Variants in ZPLD1 observed in about 807,000 individuals in gnomAD.
The protein encoded by ZPLD1 is zona pellucida like domain containing 1.
In ZPLD1, 34 loss-of-function variants were observed where a neutral mutation model predicts 47.2. The observed-to-expected ratio is 0.72, with a 90% CI of 0.55 to 0.96. The LOEUF (loss-of-function observed/expected upper bound fraction) is 0.96. Among genes scored for constraint, ZPLD1 ranks in the 40% least tolerant of loss-of-function variants. ZPLD1 has a pLI of 0.00. For synonymous variants in ZPLD1, 176 were observed against 186.2 expected, an observed-to-expected ratio of 0.95 and a Z score of 0.45; for missense variants, 512 against 505.8, an observed-to-expected ratio of 1.01 and a Z score of -0.12.
chr3:102,474,602 A>ATTT (rs1707731449), intron 10 of ZPLD1, among the ~76,000 whole-genome samples: 1 of 151,364 alleles, frequency 6.6e-6, no homozygotes, highest in African/African-American at 2.4e-5. Flanking sequence ...AAGTTTTTTA[A>ATTT]AAAAAAAACT....
At chr3:102,393,061 A>T (rs1322646097) in intron 7 of ZPLD1, among the ~76,000 whole-genome samples, 1 of 152,176 alleles carries the variant, frequency 6.6e-6, no homozygotes, top group Admixed American at 6.5e-5. Flanking sequence ...CTAAGGCCTA[A>T]ACAATATGAA....
chr3:102,468,977 C>T lies in ZPLD1; in HGVS notation c.775C>T (p.Pro259Ser). The T allele has an allele frequency of 1.9e-6, 3 of 1,612,952 alleles. No individual in the cohort carries two copies. Among genetic ancestry groups the T allele is most frequent in the Non-Finnish European group, 2.5e-6 (3 of 1,179,520 alleles). The change falls in exon 9 of 12, where the codon CCT becomes TCT. Residue 259 changes from proline (P) to serine (S), a missense_variant. Physicochemically the swap from Pro to Ser is moderately conservative, Grantham distance 74. Transcript: ENST00000466937. ...YDLFLSCDKD[P>S]QTTVIENGRS... Reference sequence around the variant, plus strand: ...CCTAAAATTTAGCTGTGACAAGGACCCTCAGACCACCGTCATTGAGAATGG... The same window carrying T: ...CCTAAAATTTAGCTGTGACAAGGACTCTCAGACCACCGTCATTGAGAATGG...
intron 7 of ZPLD1, among the ~76,000 whole-genome samples, chr3:102,405,492 T>G (rs1706671231): frequency 6.6e-6 from 1 of 152,002 alleles, no homozygotes; most frequent in Admixed American, 6.6e-5. Flanking sequence ...ACAGAAGGCT[T>G]GAGGTCATGT....
At chr3:102,453,325 G>T (rs559726396) in intron 4 of ZPLD1, among the ~76,000 whole-genome samples, 186 bp downstream of exon 4, 8 of 152,320 alleles carry the variant, frequency 5.3e-5, no homozygotes, top group African/African-American at 1.9e-4. Flanking sequence ...TAATGGTTAT[G>T]TTTATAGTAG....
chr3:102,429,373 C>T (rs1559748456), intron 8 of ZPLD1, among the ~76,000 whole-genome samples: 1 of 152,142 alleles, frequency 6.6e-6, no homozygotes, highest in Non-Finnish European at 1.5e-5. Context: ...TTCTCCCATT[C>T]TTCTGGTCTG....
intron 7 of ZPLD1, among the ~76,000 whole-genome samples, chr3:102,398,818 C>T (rs1020802036): frequency 2.6e-5 from 4 of 152,136 alleles, no homozygotes; most frequent in African/African-American, 9.6e-5. Flanking sequence ...TTGGCTCATG[C>T]TCTTCCCACA....
intron 8 of ZPLD1, among the ~76,000 whole-genome samples, chr3:102,468,449 GTGGAAAAAA>G: frequency 6.6e-6 from 1 of 152,128 alleles, no homozygotes; most frequent in Admixed American, 6.5e-5. Context: ...CTATACAGCT[GTGGAAAAAA>G]ATGAGGAAGC....
Position 102,470,546 on chromosome 3 carries a change from A to G in ZPLD1, c.1042+44A>G. 3 of 1,519,344 alleles carry G rather than the reference A, an allele frequency of 2.0e-6. 1 individual carries two copies. Among genetic ancestry groups the G allele is most frequent in the South Asian group, 2.3e-5 (2 of 87,042 alleles). 94.1% of individuals were successfully genotyped at this position (1,519,344 alleles called of 1,614,324 possible). On this transcript the variant is annotated intron_variant, in intron 10 of 11. Coordinates refer to ENST00000466937, the MANE Select transcript of ZPLD1 (RefSeq NM_001329788.2). The stretch of plus-strand genomic sequence containing the variant: ...CTGTATGTAGTAATAGACGGTTCCA[A>G]AATGCCTCGTTACTTGGCTTCTAAC...
At chr3:102,393,292 A>G (rs1200922827) in intron 7 of ZPLD1, among the ~76,000 whole-genome samples, 2 of 152,168 alleles carry the variant, frequency 1.3e-5, no homozygotes, top group African/African-American at 4.8e-5. Context: ...TAACTGTGCT[A>G]TTACGTGTGT....
At chr3:102,392,359 C>T (rs1183166937) in intron 7 of ZPLD1, 1 of 152,130 alleles carries the variant, frequency 6.6e-6, no homozygotes, top group Admixed American at 6.5e-5. Flanking sequence ...GGATTCATTT[C>T]TTACTGTTCT....
At chr3:102,463,422 C>T (rs1300791555) in intron 7 of ZPLD1, among the ~76,000 whole-genome samples, 2 of 152,180 alleles carry the variant, frequency 1.3e-5, no homozygotes, top group East Asian at 3.9e-4. Flanking sequence ...ATATAAGCAT[C>T]TATGTAGCTC....
At chr3:102,426,111 T>TACAC (rs997937527) in intron 8 of ZPLD1, among the ~76,000 whole-genome samples, 50 of 144,220 alleles carry the variant, frequency 3.5e-4, no homozygotes, top group Admixed American at 1.9e-3. Context: ...ACATATTTCC[T>TACAC]ACACACACAC....
At chr3:102,408,649 G>T (rs1401869610) in intron 7 of ZPLD1, among the ~76,000 whole-genome samples, 1 of 151,556 alleles carries the variant, frequency 6.6e-6, no homozygotes, top group Non-Finnish European at 1.5e-5. Flanking sequence ...TTTTAAAGAA[G>T]CAATGATAAG....
At chr3:102,430,954 G>T (rs887134214), upstream of ZPLD1, among the ~76,000 whole-genome samples, 1 of 152,162 alleles carries the variant, frequency 6.6e-6, no homozygotes, top group African/African-American at 2.4e-5. Flanking sequence ...CAATATGCTA[G>T]CATATCTTCA....
chr3:102,429,306 A>G (rs1025993650), intron 8 of ZPLD1, among the ~76,000 whole-genome samples: 1 of 152,118 alleles, frequency 6.6e-6, no homozygotes, highest in Non-Finnish European at 1.5e-5. Flanking sequence ...TTGATTCTTA[A>G]CATATTTGAA....
chr3:102,459,761 C>A (rs536004892), intron 6 of ZPLD1, among the ~76,000 whole-genome samples: 147 of 152,198 alleles, frequency 9.7e-4, no homozygotes, highest in African/African-American at 3.4e-3. Context: ...ATACCCCCTC[C>A]CCTTGCACAT....
At chr3:102,406,305 T>G (rs1299756676) in intron 7 of ZPLD1, among the ~76,000 whole-genome samples, 2 of 151,958 alleles carry the variant, frequency 1.3e-5, no homozygotes, top group Non-Finnish European at 2.9e-5. Context: ...AGGGCACCCT[T>G]TTCTATGGCA....
At chr3:102,476,863 A>AT in intron 10 of ZPLD1, 149 bp from the exon 11 acceptor site, 1 of 822,538 alleles carries the variant, frequency 1.2e-6, no homozygotes, top group Non-Finnish European at 2.0e-6. Flanking sequence ...GGGGACTTTC[A>AT]TTTTTGCCTT....
At chr3:102,476,543 T>A (rs1382362815) in intron 10 of ZPLD1, among the ~76,000 whole-genome samples, 1 of 152,126 alleles carries the variant, frequency 6.6e-6, no homozygotes, top group Non-Finnish European at 1.5e-5. Context: ...GTTTGCAGAT[T>A]ACGTTGGGCA....
Sources: allele counts gnomAD v4.1 joint callset (sites outside exome capture counted in the v4.1 genomes callset), GRCh38; gene constraint gnomAD v4.1.1; transcripts MANE v1.5; gene names NCBI Gene and HGNC (gene_info 2026-07-23, HGNC 2026-07-21).